Variants in SLC16A7 observed in about 807,000 individuals in gnomAD.
The protein encoded by SLC16A7 is monocarboxylate transporter 2.
A neutral mutation model predicts 34.9 loss-of-function variants in SLC16A7; 33 were observed. The observed-to-expected ratio is 0.94, with a 90% CI of 0.72 to 1.26. The LOEUF (loss-of-function observed/expected upper bound fraction) is 1.26. Ranked by LOEUF, SLC16A7 falls within the 50% of genes most tolerant of loss-of-function variation. SLC16A7 has a pLI of 0.00. For synonymous variants in SLC16A7, 201 were observed against 206.6 expected (o/e 0.97, Z 0.23); for missense variants, 573 against 578.1 (o/e 0.99, Z 0.09).
chr12:59,632,111 C>T (rs184952083), intron 1 of SLC16A7, among the ~76,000 whole-genome samples: 111 of 151,446 alleles, frequency 7.3e-4, no homozygotes, highest in Middle Eastern at 3.4e-3. Context: ...TAAAAGTAGA[C>T]GGAATGAGTA....
chr12:59,749,418 A>G (rs1305077402), intron 3 of SLC16A7, among the ~76,000 whole-genome samples: 2 of 152,118 alleles, frequency 1.3e-5, no homozygotes, highest in Non-Finnish European at 2.9e-5. Flanking sequence ...TTGATATTGG[A>G]TAATGACCTT....
intron 1 of SLC16A7, among the ~76,000 whole-genome samples, chr12:59,641,095 C>G (rs1280813875): frequency 6.6e-6 from 1 of 151,968 alleles, no homozygotes; most frequent in Non-Finnish European, 1.5e-5. Context: ...GATGTGATAG[C>G]TGCCAGGAAA....
chr12:59,688,228 T>C (rs985171786), intron 2 of SLC16A7, among the ~76,000 whole-genome samples: 2 of 151,926 alleles, frequency 1.3e-5, no homozygotes, highest in African/African-American at 4.8e-5. Flanking sequence ...GCTGGAATGG[T>C]GGAGGCAGAA....
At position 59,648,456 on chromosome 12, in the gene SLC16A7, G is replaced by A. The variant is rs950437171; in HGVS notation, c.-129-6696G>A. On this transcript the variant is annotated intron_variant, in intron 1 of 5. Transcript: ENST00000547379. ...TAATTGTACTTAGTACGTTATATAC[G>A]TTGCCACATTTAAACCTTTTTTTTC... 3.9e-5 allele frequency among the ~76,000 whole-genome samples: 6 copies of A among 152,182 alleles called. 1 individual carries two copies. The highest frequency in any genetic ancestry group is 4.4e-5 in the Non-Finnish European group (3 of 68,014).
chr12:59,684,091 C>T (rs1355281502), intron 2 of SLC16A7, among the ~76,000 whole-genome samples: 2 of 152,148 alleles, frequency 1.3e-5, no homozygotes, highest in African/African-American at 4.8e-5. Flanking sequence ...GGAAACGTGA[C>T]TCTTGCATGA....
At chr12:59,732,496 G>T (rs1185263708) in intron 3 of SLC16A7, among the ~76,000 whole-genome samples, 1 of 152,186 alleles carries the variant, frequency 6.6e-6, no homozygotes, top group African/African-American at 2.4e-5. Flanking sequence ...GGCTTCTAAA[G>T]GAAATATGCC....
chr12:59,671,908 TATATGTATA>T (rs1175842466), intron 2 of SLC16A7, among the ~76,000 whole-genome samples: 2 of 63,688 alleles, frequency 3.1e-5, no homozygotes, highest in Non-Finnish European at 5.4e-5. Flanking sequence ...TATATATACA[TATATGTATA>T]TATGTATATA....
At chr12:59,733,190 C>T (rs1488624623) in intron 3 of SLC16A7, among the ~76,000 whole-genome samples, 1 of 152,176 alleles carries the variant, frequency 6.6e-6, no homozygotes, top group Non-Finnish European at 1.5e-5. Flanking sequence ...GCGCCTTTGT[C>T]CAAGTTTTGT....
chr12:59,648,303 A>G (rs531275890), intron 1 of SLC16A7, among the ~76,000 whole-genome samples: 1 of 152,316 alleles, frequency 6.6e-6, no homozygotes, highest in East Asian at 1.9e-4. Flanking sequence ...CAATAATTGC[A>G]TAGTCCATTC....
rs1868809404 is a variant in SLC16A7, at chr12:59,660,826, C to G, written c.-31+5576C>G. 4.0e-5 allele frequency among the ~76,000 whole-genome samples: 6 copies of G among 151,796 alleles called. No homozygotes were observed. In the South Asian group the frequency reaches 1.0e-3, roughly 26 times the overall value. On this transcript the variant is annotated intron_variant, in intron 2 of 5. Coordinates refer to ENST00000547379, the MANE Select transcript of SLC16A7 (RefSeq NM_001270623.2). Reference sequence around the variant, plus strand: ...TTTGAGGTGTGGAAGGATCTCATACCCTGTGAGATGTGACTGAGACAGTAG... The same window carrying G: ...TTTGAGGTGTGGAAGGATCTCATACGCTGTGAGATGTGACTGAGACAGTAG...
intron 3 of SLC16A7, among the ~76,000 whole-genome samples, chr12:59,739,699 G>T (rs1243739354): frequency 6.6e-6 from 1 of 152,020 alleles, no homozygotes; most frequent in Non-Finnish European, 1.5e-5. Flanking sequence ...ATCCTCTCCA[G>T]CACCTGTTGT....
At chr12:59,737,669 G>C (rs1877755572) in intron 3 of SLC16A7, among the ~76,000 whole-genome samples, 1 of 152,032 alleles carries the variant, frequency 6.6e-6, no homozygotes, top group East Asian at 1.9e-4. Flanking sequence ...ACTTTTGGGG[G>C]GATGACTTGG....
intron 4 of SLC16A7, among the ~76,000 whole-genome samples, chr12:59,772,171 C>T (rs2137443820): frequency 6.6e-6 from 1 of 152,238 alleles, no homozygotes; most frequent in Non-Finnish European, 1.5e-5. Context: ...CATATTTACA[C>T]TCATGTAATC....
At chr12:59,767,757 T>A (rs901928837) in intron 3 of SLC16A7, among the ~76,000 whole-genome samples, 1 of 152,068 alleles carries the variant, frequency 6.6e-6, no homozygotes, top group Non-Finnish European at 1.5e-5. Flanking sequence ...TAATATTGTT[T>A]TCATGCCTGC....
At chr12:59,693,365 T>C (rs1032437164) in intron 2 of SLC16A7, among the ~76,000 whole-genome samples, 1 of 151,962 alleles carries the variant, frequency 6.6e-6, no homozygotes, top group African/African-American at 2.4e-5. Flanking sequence ...AGGAACATTC[T>C]AATATTTTAT....
At chr12:59,743,298 G>A (rs1878539201) in intron 3 of SLC16A7, among the ~76,000 whole-genome samples, 1 of 151,908 alleles carries the variant, frequency 6.6e-6, no homozygotes, top group Non-Finnish European at 1.5e-5. Context: ...TAATATTTTT[G>A]GACTTAAGAA....
chr12:59,648,562 A>G (rs1211066300), intron 1 of SLC16A7, among the ~76,000 whole-genome samples: 1 of 152,148 alleles, frequency 6.6e-6, no homozygotes, highest in African/African-American at 2.4e-5. Context: ...TAGATTTACC[A>G]TGATGTAGTG....
intron 3 of SLC16A7, among the ~76,000 whole-genome samples, chr12:59,728,349 A>G (rs1293084939): frequency 6.6e-6 from 1 of 152,168 alleles, no homozygotes; most frequent in Admixed American, 6.6e-5. Context: ...TACACACTGG[A>G]GTGAGGCCCT....
At chr12:59,688,015 A>G (rs2137087373) in intron 2 of SLC16A7, among the ~76,000 whole-genome samples, 1 of 152,240 alleles carries the variant, frequency 6.6e-6, no homozygotes, top group South Asian at 2.1e-4. Context: ...TGGTAGAAGA[A>G]AGACCTGGTA....
Sources: allele counts gnomAD v4.1 joint callset (sites outside exome capture counted in the v4.1 genomes callset), GRCh38; gene constraint gnomAD v4.1.1; transcripts MANE v1.5; gene names NCBI Gene and HGNC (gene_info 2026-07-23, HGNC 2026-07-21).